MMP26: variants seen among roughly 807,000 people sequenced by gnomAD.
The protein encoded by MMP26 is matrix metalloproteinase-26.
MMP26 carries 33 observed loss-of-function variants against 31.0 expected under a neutral mutation model. That is an observed-to-expected ratio of 1.06 (90% CI 0.81 to 1.42). MMP26 has a LOEUF of 1.42. Among genes scored for constraint, MMP26 ranks in the 40% most tolerant of loss-of-function variants. The pLI is 0.00. For synonymous variants in MMP26, 122 were observed against 114.9 expected, an observed-to-expected ratio of 1.06 and a Z score of -0.40; for missense variants, 347 against 316.1, an observed-to-expected ratio of 1.10 and a Z score of -0.74.
At chr11:4,832,868 C>T (rs1849665177) in intron 2 of MMP26, 2 of 195,122 alleles carry the variant, frequency 1.0e-5, no homozygotes, top group Non-Finnish European at 2.2e-5. Flanking sequence ...TGTCTCATAT[C>T]TGTGCTGTAC....
chr11:4,866,164 T>C (rs1156802591), intron 2 of MMP26, among the ~76,000 whole-genome samples: 3 of 152,030 alleles, frequency 2.0e-5, no homozygotes, highest in Admixed American at 2.0e-4. Context: ...GGAATACAAA[T>C]AAAATGATCT....
chr11:4,823,338 G>A (rs1045809800), intron 2 of MMP26, among the ~76,000 whole-genome samples: 4 of 152,074 alleles, frequency 2.6e-5, no homozygotes, highest in Non-Finnish European at 4.4e-5. Context: ...AATTATCCAA[G>A]CCTTTTAGCA....
At chr11:4,780,109 G>A (rs1848838776) in intron 2 of MMP26, among the ~76,000 whole-genome samples, 1 of 151,900 alleles carries the variant, frequency 6.6e-6, no homozygotes, top group African/African-American at 2.4e-5. Context: ...TGGTCATTTT[G>A]TTTTTATTTT....
At chr11:4,890,606 A>G (rs188336316) in intron 2 of MMP26, 1 of 152,182 alleles carries the variant, frequency 6.6e-6, no homozygotes, top group Non-Finnish European at 1.5e-5. Context: ...TGATGAGTCC[A>G]TTGAAAAGTA....
intron 1 of MMP26, among the ~76,000 whole-genome samples, chr11:4,746,313 G>A (rs1464206213): frequency 1.3e-5 from 2 of 152,154 alleles, no homozygotes; most frequent in African/African-American, 4.8e-5. Flanking sequence ...TAAAGTTCTT[G>A]TAATAGGAAT....
chr11:4,841,719 G>T (rs1849798969), intron 2 of MMP26, among the ~76,000 whole-genome samples: 1 of 152,172 alleles, frequency 6.6e-6, no homozygotes, highest in Non-Finnish European at 1.5e-5. Context: ...GATCACCTGA[G>T]GTCAGGAGTT....
At chr11:4,940,078 A>G (rs1846186176) in intron 2 of MMP26, among the ~76,000 whole-genome samples, 1 of 151,532 alleles carries the variant, frequency 6.6e-6, no homozygotes, top group East Asian at 1.9e-4. Context: ...TTATTATATT[A>G]TATATTATTA....
Position 4,985,860 on chromosome 11 carries a change from A to G in MMP26, c.-144-2208A>G, listed in dbSNP as rs375896374. Among the ~76,000 whole-genome samples, 5 of 152,316 alleles carry G rather than the reference A, an allele frequency of 3.3e-5. No homozygotes were observed. The Middle Eastern group carries it at 0.01, about 311-fold the overall frequency. On this transcript the variant is annotated intron_variant, in intron 2 of 7. Coordinates refer to ENST00000380390, the MANE Select transcript of MMP26 (RefSeq NM_021801.5). The stretch of plus-strand genomic sequence containing the variant: ...ACATTTCATTCCTGGATAAATTTCT[A>G]TTGTGCTCCTTTACCAACAATCCCC...
At chr11:4,991,939 C>CTTTTTTTTTTTT in intron 6 of MMP26, 25 bp from the exon 7 acceptor site, 1 of 1,396,034 alleles carries the variant, frequency 7.2e-7, no homozygotes. Flanking sequence ...TTAATTTTAT[C>CTTTTTTTTTTTT]TTTTTTTTTT....
intron 1 of MMP26, among the ~76,000 whole-genome samples, chr11:4,765,426 C>G (rs1418070667): frequency 6.6e-6 from 1 of 152,188 alleles, no homozygotes; most frequent in Non-Finnish European, 1.5e-5. Flanking sequence ...GGTCCTGCTC[C>G]TCTATTCTTG....
intron 2 of MMP26, among the ~76,000 whole-genome samples, chr11:4,785,573 T>G (rs1317327027): frequency 6.6e-6 from 1 of 152,208 alleles, no homozygotes; most frequent in Non-Finnish European, 1.5e-5. Context: ...CTTACATGAC[T>G]TTTCAAATTC....
intron 2 of MMP26, among the ~76,000 whole-genome samples, chr11:4,831,555 A>C (rs1174573192): frequency 6.6e-6 from 1 of 152,012 alleles, no homozygotes; most frequent in East Asian, 1.9e-4. Context: ...AAATAGAAAA[A>C]CCCCACATGT....
chr11:4,854,404 C>T (rs550789593), intron 2 of MMP26, among the ~76,000 whole-genome samples: 13 of 152,336 alleles, frequency 8.5e-5, no homozygotes, highest in African/African-American at 2.6e-4. Flanking sequence ...AATGGCACAA[C>T]AGGACATTGT....
At chr11:4,794,625 A>G (rs1849079978) in intron 2 of MMP26, among the ~76,000 whole-genome samples, 1 of 152,150 alleles carries the variant, frequency 6.6e-6, no homozygotes, top group Non-Finnish European at 1.5e-5. Flanking sequence ...TATTTGACCT[A>G]TGACCCAGGC....
intron 2 of MMP26, chr11:4,908,366 A>G (rs749913407): frequency 2.2e-6 from 3 of 1,394,370 alleles, no homozygotes; most frequent in Non-Finnish European, 3.0e-6. Flanking sequence ...GTCATTTGCT[A>G]TGTGCTTAAT....
At chr11:4,822,374 A>G (rs1849522156) in intron 2 of MMP26, 4 of 1,467,776 alleles carry the variant, frequency 2.7e-6, no homozygotes, top group Non-Finnish European at 3.6e-6. Flanking sequence ...AAATCTAATC[A>G]TCAGCTATTT....
At position 4,954,709 on chromosome 11, in the gene MMP26, G is replaced by C. The variant is rs1460925819; in HGVS notation, c.-144-33359G>C. On this transcript the variant is annotated intron_variant, in intron 2 of 7. Coordinates refer to ENST00000380390, the MANE Select transcript of MMP26 (RefSeq NM_021801.5). ...GATAATTCTTGGTGTCAAATATTAGGTTTCTCAAATTTACCTTAAATATCT... is the reference window on the plus strand; with the variant it reads ...GATAATTCTTGGTGTCAAATATTAGCTTTCTCAAATTTACCTTAAATATCT... 3.1e-5 allele frequency: 23 copies of C among 754,044 alleles called. 5 individuals carry two copies. In the Middle Eastern group the frequency reaches 1.9e-3, roughly 63 times the overall value. 46.7% of individuals were successfully genotyped at this position (754,044 alleles called of 1,614,324 possible).
chr11:4,935,047 T>A (rs2133594571), intron 2 of MMP26, among the ~76,000 whole-genome samples: 1 of 151,882 alleles, frequency 6.6e-6, no homozygotes, highest in East Asian at 1.9e-4. Context: ...TAGGATTGAC[T>A]TGGCAATGTG....
At chr11:4,735,790 CACTT>C (rs1392370999) in intron 1 of MMP26, among the ~76,000 whole-genome samples, 1 of 150,624 alleles carries the variant, frequency 6.6e-6, no homozygotes, top group Non-Finnish European at 1.5e-5. Flanking sequence ...AAGTAAAAAA[CACTT>C]AATAATTTTA....
Sources: gnomAD v4.1 joint callset for allele counts (sites outside exome capture counted in the v4.1 genomes callset) on GRCh38, gnomAD v4.1.1 for gene constraint, MANE v1.5 for transcripts, NCBI Gene and HGNC (gene_info 2026-07-23, HGNC 2026-07-21) for gene names.